The following ZNF438 variants were observed in gnomAD, a reference collection of about 807,000 sequenced individuals.
ZNF438 encodes zinc finger protein 438.
ZNF438 carries 25 observed loss-of-function variants against 38.0 expected under a neutral mutation model. The observed-to-expected ratio is 0.66, with a 90% CI of 0.48 to 0.92. The LOEUF (loss-of-function observed/expected upper bound fraction) is 0.92. Among genes scored for constraint, ZNF438 ranks in the 40% least tolerant of loss-of-function variants. ZNF438 has a pLI of 0.00. For missense variants in ZNF438, 1,007 were observed against 999.6 expected, an observed-to-expected ratio of 1.01 and a Z score of -0.10; for synonymous variants, 372 against 364.1, an observed-to-expected ratio of 1.02 and a Z score of -0.25.
At chr10:30,872,787 A>G (rs996964803) in intron 4 of ZNF438, among the ~76,000 whole-genome samples, 2 of 151,898 alleles carry the variant, frequency 1.3e-5, no homozygotes, top group African/African-American at 4.8e-5. Flanking sequence ...CCAGTAAAAC[A>G]GACTCTCACT....
chr10:31,002,143 C>G (rs182287482), intron 1 of ZNF438, among the ~76,000 whole-genome samples: 8 of 152,284 alleles, frequency 5.3e-5, no homozygotes, highest in Admixed American at 2.6e-4. Flanking sequence ...TAAAGCCTCT[C>G]CAGAATTGTC....
chr10:30,847,037 G>C (rs2032321023), intron 5 of ZNF438, among the ~76,000 whole-genome samples: 1 of 152,194 alleles, frequency 6.6e-6, no homozygotes, highest in South Asian at 2.1e-4. Context: ...GGGTGCTCAG[G>C]ACAGCTCGGT....
At chr10:30,849,390 C>T (rs2033075336) in exon 5 of ZNF438, 2 of 1,614,080 alleles carry the variant, frequency 1.2e-6, no homozygotes, top group African/African-American at 1.3e-5. Flanking sequence ...ACCTTGGTGG[C>T]TGCATTAAAG....
At chr10:30,977,770 G>A (rs752421624) in intron 1 of ZNF438, among the ~76,000 whole-genome samples, 3 of 151,920 alleles carry the variant, frequency 2.0e-5, no homozygotes, top group Non-Finnish European at 4.4e-5. Flanking sequence ...GGATCGCAAG[G>A]TCAGGAGTTC....
chr10:30,934,870 C>T (rs578084097), intron 2 of ZNF438, among the ~76,000 whole-genome samples: 2 of 152,186 alleles, frequency 1.3e-5, no homozygotes, highest in Non-Finnish European at 2.9e-5. Context: ...ATCTACTACA[C>T]TGAGGTATTA....
chr10:30,964,958 AC>A (rs1347920518), intron 1 of ZNF438, among the ~76,000 whole-genome samples: 1 of 152,238 alleles, frequency 6.6e-6, no homozygotes, highest in Non-Finnish European at 1.5e-5. Flanking sequence ...GCCTAATTAA[AC>A]TAAAGAGCTT....
At chr10:30,997,384 C>T (rs1053640520) in intron 1 of ZNF438, among the ~76,000 whole-genome samples, 3 of 152,072 alleles carry the variant, frequency 2.0e-5, no homozygotes, top group African/African-American at 4.8e-5. Flanking sequence ...CATATGCAGA[C>T]TCTTCTTTCA....
chr10:30,998,838 A>G (rs1160858056), intron 1 of ZNF438, among the ~76,000 whole-genome samples: 1 of 152,150 alleles, frequency 6.6e-6, no homozygotes, highest in Non-Finnish European at 1.5e-5. Context: ...TACAGAGGGA[A>G]TCCTTAACTT....
intron 1 of ZNF438, among the ~76,000 whole-genome samples, chr10:30,965,278 G>A (rs546508566): frequency 4.9e-4 from 75 of 152,164 alleles, no homozygotes; most frequent in African/African-American, 1.0e-3. Context: ...TTAAAAAGTC[G>A]AAAAATAATA....
chr10:31,000,858 A>G (rs2054583001), intron 1 of ZNF438, among the ~76,000 whole-genome samples: 1 of 151,996 alleles, frequency 6.6e-6, no homozygotes, highest in Non-Finnish European at 1.5e-5. Context: ...TAATCATGTC[A>G]TATCCCTCTC....
chr10:30,979,448 T>G (rs2051841361), intron 1 of ZNF438, among the ~76,000 whole-genome samples: 1 of 152,288 alleles, frequency 6.6e-6, no homozygotes, highest in South Asian at 2.1e-4. Context: ...AGAGCCTGCA[T>G]AGCCAAGACA....
At chr10:31,016,834 A>T (rs1030884306) in intron 1 of ZNF438, among the ~76,000 whole-genome samples, 13 of 152,212 alleles carry the variant, frequency 8.5e-5, no homozygotes, top group African/African-American at 3.1e-4. Context: ...TTATGTGCCT[A>T]GCTAAATACG....
At chr10:30,980,821 C>T (rs762231486) in intron 1 of ZNF438, among the ~76,000 whole-genome samples, 7 of 152,174 alleles carry the variant, frequency 4.6e-5, no homozygotes, top group Admixed American at 1.3e-4. Flanking sequence ...AGATTTTGTA[C>T]TTTTATGACT....
chr10:30,884,075 T>C (rs1373613833), intron 3 of ZNF438, among the ~76,000 whole-genome samples: 2 of 152,212 alleles, frequency 1.3e-5, no homozygotes, highest in African/African-American at 4.8e-5. Flanking sequence ...AATACTGCTT[T>C]TGCAATCAGA....
chr10:31,015,117 G>A lies in ZNF438; in HGVS notation c.-192+16716C>T, dbSNP rs7922279. Among the ~76,000 whole-genome samples, 954 of 152,264 alleles carry A rather than the reference G, an allele frequency of 6.3e-3. 12 individuals carry two copies. Among genetic ancestry groups the A allele is most frequent in the African/African-American group, 0.021 (891 of 41,550 alleles). ...GCTTCAAGCGATCCTCCGAAAGCAC[G>A]TCGGCTTCCGAAAGTGCTGAGATTA... On this transcript the variant is annotated intron_variant, in intron 1 of 5. Coordinates refer to ENST00000413025, the Ensembl canonical transcript of ZNF438.
At chr10:30,918,854 T>A (rs903476016) in intron 2 of ZNF438, among the ~76,000 whole-genome samples, 6 of 152,192 alleles carry the variant, frequency 3.9e-5, no homozygotes, top group African/African-American at 1.4e-4. Flanking sequence ...CAGTCTGCAG[T>A]TGCATCGATC....
At chr10:30,921,749 G>A (rs1348663692) in intron 2 of ZNF438, among the ~76,000 whole-genome samples, 1 of 152,180 alleles carries the variant, frequency 6.6e-6, no homozygotes, top group Non-Finnish European at 1.5e-5. Context: ...AGGAACATCC[G>A]AGGCTGCTCT....
At chr10:30,970,220 T>A (rs1589490343) in intron 1 of ZNF438, among the ~76,000 whole-genome samples, 2 of 152,100 alleles carry the variant, frequency 1.3e-5, no homozygotes, top group East Asian at 3.8e-4. Flanking sequence ...TCTTTTACTA[T>A]TCTGAAAATA....
At chr10:30,942,627 T>C (rs190886109) in intron 1 of ZNF438, among the ~76,000 whole-genome samples, 27 of 152,034 alleles carry the variant, frequency 1.8e-4, no homozygotes, top group African/African-American at 5.3e-4. Flanking sequence ...CCAATCAGAA[T>C]CATGCATTGT....
Sources: allele counts gnomAD v4.1 joint callset (sites outside exome capture counted in the v4.1 genomes callset), GRCh38; gene constraint gnomAD v4.1.1; transcripts MANE v1.5; gene names NCBI Gene and HGNC (gene_info 2026-07-23, HGNC 2026-07-21).